The following TMEM67 variants were observed in gnomAD, a reference collection of about 807,000 sequenced individuals.
TMEM67 encodes meckelin.
In TMEM67, 124 loss-of-function variants were observed where a neutral mutation model predicts 136.6. The ratio of observed to expected loss-of-function variants is 0.91; its 90% confidence interval spans 0.78 to 1.05. The LOEUF is 1.05. TMEM67 is among the 50% of genes least tolerant of loss of function. TMEM67 has a pLI of 0.00. For missense variants in TMEM67, 1,107 were observed against 1,178.4 expected (o/e 0.94, Z 0.89); for synonymous variants, 364 against 390.5 (o/e 0.93, Z 0.80).
At chr8:93,779,708 G>C (rs942077489) in intron 7 of TMEM67, among the ~76,000 whole-genome samples, 1 of 152,150 alleles carries the variant, frequency 6.6e-6, no homozygotes, top group Non-Finnish European at 1.5e-5. Flanking sequence ...GGAGGTTGTA[G>C]AACAGCAAAT....
intron 16 of TMEM67, among the ~76,000 whole-genome samples, chr8:93,794,053 G>A (rs1814502666): frequency 6.6e-6 from 1 of 151,896 alleles, no homozygotes; most frequent in African/African-American, 2.4e-5. Context: ...CACCATGCCT[G>A]GCTAATTTTT....
chr8:93,773,712 A>G (rs936129036), intron 7 of TMEM67, among the ~76,000 whole-genome samples: 36 of 152,230 alleles, frequency 2.4e-4, no homozygotes, highest in Admixed American at 1.3e-4. Flanking sequence ...AAACTCAACA[A>G]ATGATCTCAT....
rs182529821 is a variant in TMEM67 at position 93,782,897 on chromosome 8, A to T, written c.1131+437A>T. Among the ~76,000 whole-genome samples the T allele has an allele frequency of 2.0e-5, 3 of 152,188 alleles. No individual in the cohort carries two copies. In the East Asian group the frequency reaches 5.8e-4, roughly 29 times the overall value. ...GCCGGAAATGTTTTTAATAGTGAAGAATAATTTCACTATTTAATATAATTT... is the reference window on the plus strand; with the variant it reads ...GCCGGAAATGTTTTTAATAGTGAAGTATAATTTCACTATTTAATATAATTT... On this transcript the variant is annotated intron_variant, in intron 11 of 27. Transcript: ENST00000453321.
At chr8:93,756,976 A>T (rs2130535386) in intron 2 of TMEM67, 1 of 152,158 alleles carries the variant, frequency 6.6e-6, no homozygotes, top group East Asian at 1.9e-4. Context: ...TGGGAGGCTG[A>T]GGCAAGAGAA....
chr8:93,820,153 C>T (rs1394151973), downstream of TMEM67, among the ~76,000 whole-genome samples: 1 of 152,186 alleles, frequency 6.6e-6, no homozygotes, highest in Non-Finnish European at 1.5e-5. Flanking sequence ...TGCCCTGGCT[C>T]CTGGTGCTCC....
Position 93,754,981 on chromosome 8 carries a change from A to G in TMEM67, c.67A>G (p.Thr23Ala), listed in dbSNP as rs2130521457. 6.2e-7 allele frequency: 1 copy of G among 1,614,156 alleles called. No individual in the cohort carries two copies. The highest frequency in any genetic ancestry group is 8.5e-7 in the Non-Finnish European group (1 of 1,180,024). Residue 23 changes from threonine to alanine, a missense_variant, in exon 1 of 28, where the codon ACC (threonine) becomes GCC (alanine). By Grantham distance (58) the Thr-to-Ala change is moderately conservative. Coordinates refer to ENST00000453321, the MANE Select transcript of TMEM67 (RefSeq NM_153704.6). ...GTCCCTCTTATCCGCCCGGGCCGTG[A>G]CCGCGTTCCTTCTGTTGTTCCTCCC... Reference protein sequence around the residue: ...VWSLLSARAVTAFLLLFLPRF... With the variant: ...VWSLLSARAVAAFLLLFLPRF...
the TMEM67 span, among the ~76,000 whole-genome samples, chr8:93,827,176 A>G: frequency 2.2e-4 from 34 of 152,318 alleles, 1 homozygote; most frequent in South Asian, 2.3e-3. Context: ...GAAGGTGAGC[A>G]TGGCAGAATT....
rs982589746 is a variant in TMEM67, at chr8:93,816,395, A to T, written c.2931A>T (p.Thr977=). Residue 977 remains threonine (T), a synonymous_variant, in exon 28 of 28, where the codon ACA becomes ACT. Coordinates refer to ENST00000453321, the MANE Select transcript of TMEM67 (RefSeq NM_153704.6). ...AGATTTTTAGATATATCCGTAATAC[A>T]GTAGGACAAAAGAATTTGGCATCCA... The part of the protein sequence containing the change: ...QQEIFRYIRN[T]VGQKNLASKT... The T allele has an allele frequency of 6.3e-7, 1 of 1,584,372 alleles. No homozygotes were observed.
intron 23 of TMEM67, among the ~76,000 whole-genome samples, chr8:93,808,086 A>G (rs1025910611): frequency 4.6e-5 from 7 of 151,540 alleles, no homozygotes; most frequent in African/African-American, 1.4e-4. Context: ...AAGACCTTTC[A>G]GCATACATTA....
chr8:93,796,208 T>C (rs569065466), intron 18 of TMEM67, among the ~76,000 whole-genome samples: 7 of 152,234 alleles, frequency 4.6e-5, no homozygotes, highest in Non-Finnish European at 8.8e-5. Context: ...TGAATTTGTA[T>C]GGCTTATTTG....
intron 18 of TMEM67, among the ~76,000 whole-genome samples, chr8:93,796,628 T>C (rs1357380762): frequency 6.6e-6 from 1 of 152,124 alleles, no homozygotes; most frequent in Non-Finnish European, 1.5e-5. Flanking sequence ...ATATTGCTTG[T>C]ATAAATAAGA....
At chr8:93,771,045 A>G (rs1413940576) in intron 6 of TMEM67, among the ~76,000 whole-genome samples, 2 of 152,036 alleles carry the variant, frequency 1.3e-5, no homozygotes, top group Admixed American at 1.3e-4. Context: ...TTTCTTGGTC[A>G]TAGTTGTGTC....
intron 2 of TMEM67, among the ~76,000 whole-genome samples, chr8:93,757,471 AC>A (rs1172836456): frequency 6.6e-6 from 1 of 151,970 alleles, no homozygotes; most frequent in Non-Finnish European, 1.5e-5. Flanking sequence ...CCCCATCTCT[AC>A]TAAAAATACA....
intron 3 of TMEM67, among the ~76,000 whole-genome samples, chr8:93,762,645 G>T (rs1030116811): frequency 6.6e-6 from 1 of 152,142 alleles, no homozygotes; most frequent in Middle Eastern, 3.4e-3. Flanking sequence ...ACGGTATTTG[G>T]GGGGTGTATT....
At chr8:93,761,370 A>G (rs1053989557) in intron 3 of TMEM67, among the ~76,000 whole-genome samples, 5 of 152,250 alleles carry the variant, frequency 3.3e-5, no homozygotes, top group African/African-American at 7.2e-5. Flanking sequence ...TTATTCGTGT[A>G]TTAATGGGAA....
rs1211634870 is a variant in TMEM67, at chr8:93,782,970, G to T, written c.1131+510G>T. 4.0e-5 allele frequency among the ~76,000 whole-genome samples: 6 copies of T among 151,430 alleles called. No homozygotes were observed. In the East Asian group the frequency reaches 1.2e-3, roughly 30 times the overall value. Reference sequence around the variant, plus strand: ...GCTTAATTTAAGTGGCATAAACAGAGCACCTTGTTATCTATAGAGTTTTTT... The same window carrying T: ...GCTTAATTTAAGTGGCATAAACAGATCACCTTGTTATCTATAGAGTTTTTT... On this transcript the variant is annotated intron_variant, in intron 11 of 27. Transcript: ENST00000453321.
chr8:93,820,979 G>A (rs1467495266), downstream of TMEM67, among the ~76,000 whole-genome samples: 2 of 152,100 alleles, frequency 1.3e-5, no homozygotes, highest in East Asian at 1.9e-4. Flanking sequence ...GGAATACATG[G>A]CTGTGGCCCA....
In TMEM67 at chr8:93,815,315, T is replaced by G. The variant is rs1563486372; in HGVS notation, c.2775T>G (p.Tyr925Ter). The G allele has an allele frequency of 6.4e-7, 1 of 1,571,336 alleles. No individual in the cohort carries two copies. Reference sequence around the variant, plus strand: ...AAATTTTTTTAATAGATGAAGGTTATTCTTTCAGCAGTGTCCTGTATTATG... The same window carrying G: ...AAATTTTTTTAATAGATGAAGGTTAGTCTTTCAGCAGTGTCCTGTATTATG... ...EKSIFYNDEG[Y>*]SFSSVLYYGN... Residue 925 changes from tyrosine to a stop codon, truncating the protein, a stop_gained, in exon 27 of 28, where the codon TAT (tyrosine) becomes TAG (stop). Transcript: ENST00000453321. LOFTEE classifies it high-confidence loss of function.
chr8:93,791,724 T>A (rs1814384083), intron 15 of TMEM67, among the ~76,000 whole-genome samples: 1 of 152,212 alleles, frequency 6.6e-6, no homozygotes, highest in Admixed American at 6.5e-5. Flanking sequence ...TTTCCCATGA[T>A]CAAATTGAGT....
Sources: gnomAD v4.1 joint callset for allele counts (sites outside exome capture counted in the v4.1 genomes callset) on GRCh38, gnomAD v4.1.1 for gene constraint, MANE v1.5 for transcripts, NCBI Gene and HGNC (gene_info 2026-07-23, HGNC 2026-07-21) for gene names.